The following PRKCE variants were observed in gnomAD, a reference collection of about 807,000 sequenced individuals.
The protein encoded by PRKCE is protein kinase C epsilon.
A neutral mutation model predicts 85.4 loss-of-function variants in PRKCE; 16 were observed. The ratio of observed to expected loss-of-function variants is 0.19; its 90% CI spans 0.13 to 0.28. The LOEUF is 0.28. PRKCE is among the 10% of genes least tolerant of loss of function. The probability of loss-of-function intolerance (pLI) is 1.00; values close to 1 mark genes in which losing one functional copy is unlikely to be tolerated. For synonymous variants in PRKCE, 388 were observed against 371.5 expected (o/e 1.04, Z -0.51); for missense variants, 573 against 975.2 (o/e 0.59, Z 5.49).
intron 11 of PRKCE, among the ~76,000 whole-genome samples, chr2:46,128,426 A>G (rs2104388636): frequency 6.6e-6 from 1 of 152,374 alleles, no homozygotes; most frequent in East Asian, 1.9e-4. Context: ...TCATTTAGGC[A>G]TCACAGTAAG....
intron 1 of PRKCE, among the ~76,000 whole-genome samples, chr2:45,781,430 A>G (rs1227935402): frequency 6.6e-6 from 1 of 152,202 alleles, no homozygotes; most frequent in Non-Finnish European, 1.5e-5. Context: ...TTAAATGATC[A>G]TATTCAGTTC....
intron 10 of PRKCE, among the ~76,000 whole-genome samples, chr2:46,031,549 C>A (rs1184582628): frequency 6.6e-6 from 1 of 151,704 alleles, no homozygotes; most frequent in Non-Finnish European, 1.5e-5. Context: ...CTGTCAGTAC[C>A]CAAAGGCAGA....
At chr2:46,141,879 G>T (rs184551870) in intron 11 of PRKCE, among the ~76,000 whole-genome samples, 1 of 152,218 alleles carries the variant, frequency 6.6e-6, no homozygotes, top group East Asian at 1.9e-4. Flanking sequence ...GAACACCATG[G>T]GAACTCTCAG....
At chr2:45,894,058 A>C (rs543929131) in intron 2 of PRKCE, among the ~76,000 whole-genome samples, 2 of 152,208 alleles carry the variant, frequency 1.3e-5, no homozygotes, top group Non-Finnish European at 1.5e-5. Context: ...GAGGCACCCA[A>C]ACACTGTCCT....
chr2:45,909,573 TAAAC>T (rs1327845207), intron 2 of PRKCE, among the ~76,000 whole-genome samples: 2 of 152,132 alleles, frequency 1.3e-5, no homozygotes, highest in Non-Finnish European at 2.9e-5. Context: ...AAATAGCAAA[TAAAC>T]AAAGCTAACA....
chr2:46,136,850 T>C (rs1675053666), intron 11 of PRKCE, among the ~76,000 whole-genome samples: 1 of 152,242 alleles, frequency 6.6e-6, no homozygotes, highest in Non-Finnish European at 1.5e-5. Flanking sequence ...GCTAAAAGTC[T>C]CAGTCAGTCT....
intron 2 of PRKCE, among the ~76,000 whole-genome samples, chr2:45,843,520 G>C (rs1242327577): frequency 2.0e-5 from 3 of 152,244 alleles, no homozygotes; most frequent in Non-Finnish European, 2.9e-5. Context: ...ACAGACAAAA[G>C]CTCTGCTCTT....
At chr2:45,694,783 G>A (rs909537927) in intron 1 of PRKCE, among the ~76,000 whole-genome samples, 11 of 152,204 alleles carry the variant, frequency 7.2e-5, no homozygotes, top group Admixed American at 2.6e-4. Context: ...AGTAAGACTG[G>A]CAGACTACAG....
chr2:45,871,185 C>G (rs1484448592), intron 2 of PRKCE, among the ~76,000 whole-genome samples: 1 of 152,334 alleles, frequency 6.6e-6, no homozygotes, highest in Admixed American at 6.5e-5. Context: ...AAGCCCCCTT[C>G]CTCAGTGGGT....
intron 11 of PRKCE, among the ~76,000 whole-genome samples, chr2:46,126,674 T>C (rs1673897911): frequency 6.6e-6 from 1 of 152,224 alleles, no homozygotes; most frequent in Admixed American, 6.5e-5. Flanking sequence ...TTTAGCTTTC[T>C]TGTGTCTCCC....
intron 11 of PRKCE, among the ~76,000 whole-genome samples, chr2:46,117,648 T>A (rs1204938228): frequency 6.6e-6 from 1 of 152,254 alleles, no homozygotes; most frequent in Non-Finnish European, 1.5e-5. Context: ...TTTTACCTTC[T>A]GATCCTCAAT....
At chr2:45,949,326 A>G (rs1162533040) in intron 2 of PRKCE, among the ~76,000 whole-genome samples, 2 of 150,496 alleles carry the variant, frequency 1.3e-5, no homozygotes, top group Non-Finnish European at 3.0e-5. Context: ...CCACTGTTTT[A>G]ATTTGTATTG....
At chr2:45,793,698 C>G (rs1687200978) in intron 1 of PRKCE, among the ~76,000 whole-genome samples, 1 of 152,160 alleles carries the variant, frequency 6.6e-6, no homozygotes, top group African/African-American at 2.4e-5. Flanking sequence ...GGCCAAACAC[C>G]ATACTTTGAT....
At chr2:45,716,026 G>C (rs182738431) in intron 1 of PRKCE, among the ~76,000 whole-genome samples, 37 of 152,152 alleles carry the variant, frequency 2.4e-4, no homozygotes, top group Admixed American at 6.5e-4. Flanking sequence ...TCCTGCTTCA[G>C]TTTTCGCTTC....
intron 10 of PRKCE, among the ~76,000 whole-genome samples, chr2:46,082,731 G>T (rs1393458691): frequency 1.3e-5 from 2 of 152,204 alleles, no homozygotes; most frequent in Non-Finnish European, 2.9e-5. Context: ...AAATTTAGGG[G>T]GGAAGCCTGA....
chr2:46,101,609 G>A (rs371570064), intron 11 of PRKCE, among the ~76,000 whole-genome samples: 123 of 152,300 alleles, frequency 8.1e-4, no homozygotes, highest in Non-Finnish European at 1.6e-3. Context: ...GTAAGTGCAC[G>A]GTGACATGAC....
intron 1 of PRKCE, among the ~76,000 whole-genome samples, chr2:45,653,391 T>G (rs868566091): frequency 2.1e-4 from 29 of 141,142 alleles, no homozygotes; most frequent in African/African-American, 8.0e-4. Flanking sequence ...TTTTTTTTTT[T>G]TTTTCTCTCT....
intron 10 of PRKCE, among the ~76,000 whole-genome samples, chr2:46,054,961 C>G (rs960370204): frequency 1.3e-5 from 2 of 152,190 alleles, no homozygotes; most frequent in African/African-American, 4.8e-5. Flanking sequence ...CGGGGAAGAT[C>G]ACTTCCCACT....
At chr2:45,656,966 T>C (rs1675407851) in intron 1 of PRKCE, among the ~76,000 whole-genome samples, 1 of 152,248 alleles carries the variant, frequency 6.6e-6, no homozygotes, top group African/African-American at 2.4e-5. Context: ...AAGCAGAGGC[T>C]GAATGAATGC....
Sources: gnomAD v4.1 joint callset for allele counts (sites outside exome capture counted in the v4.1 genomes callset) on GRCh38, gnomAD v4.1.1 for gene constraint, MANE v1.5 for transcripts, NCBI Gene and HGNC (gene_info 2026-07-23, HGNC 2026-07-21) for gene names.